Variants in PTPRG observed in about 807,000 individuals in gnomAD.
PTPRG encodes protein tyrosine phosphatase receptor type G.
Under a neutral mutation model 165.3 loss-of-function variants are expected in PTPRG, and 102 were observed. That is an observed-to-expected ratio of 0.62 (90% CI 0.53 to 0.73). PTPRG has a LOEUF of 0.73. Ranked by LOEUF, PTPRG falls within the 30% of genes least tolerant of loss-of-function variation. The probability of loss-of-function intolerance (pLI) is 0.00; values close to 1 mark genes in which losing one functional copy is unlikely to be tolerated. For synonymous variants in PTPRG, 675 were observed against 669.5 expected (o/e 1.01, Z -0.13); for missense variants, 1,866 against 1,861.4 (o/e 1.00, Z -0.05).
At position 61,846,427 on chromosome 3, in the gene PTPRG, A is replaced by C. The variant is rs377248025; in HGVS notation, c.190+97445A>C. Among the ~76,000 whole-genome samples the C allele has an allele frequency of 2.6e-3, 386 of 148,696 alleles. 1 individual carries two copies. Among genetic ancestry groups the C allele is most frequent in the African/African-American group, 8.5e-3 (353 of 41,290 alleles). On this transcript the variant is annotated intron_variant, in intron 2 of 29. Coordinates refer to ENST00000474889, the MANE Select transcript of PTPRG (RefSeq NM_002841.4). ...TGGGGCAGCTCAAGAAACAGGCTTC[A>C]GAGTCAAAAAAAACACCCATCTGGA...
chr3:61,813,543 CTG>C (rs58097355), intron 2 of PTPRG, among the ~76,000 whole-genome samples: 8,927 of 116,760 alleles, frequency 0.076, 327 homozygotes, highest in Middle Eastern at 0.13. Context: ...AAAAGAAAAT[CTG>C]TGTGTGTGTG....
At chr3:61,606,102 A>C (rs7618681) in intron 1 of PTPRG, among the ~76,000 whole-genome samples, 2 of 152,138 alleles carry the variant, frequency 1.3e-5, no homozygotes, top group Non-Finnish European at 2.9e-5. Flanking sequence ...TGCGGTTTCC[A>C]TGGGTCATGA....
chr3:62,090,737 C>T (rs577634912), intron 5 of PTPRG, among the ~76,000 whole-genome samples: 9 of 152,294 alleles, frequency 5.9e-5, no homozygotes, highest in Non-Finnish European at 1.0e-4. Flanking sequence ...ATTCTATGTG[C>T]GTTATCCCAT....
At chr3:62,026,667 A>G (rs192888204) in intron 4 of PTPRG, among the ~76,000 whole-genome samples, 20 of 152,244 alleles carry the variant, frequency 1.3e-4, no homozygotes, top group African/African-American at 4.6e-4. Context: ...TCGGTGGATC[A>G]TAAGATCAGG....
chr3:61,983,463 G>C (rs1419542430), intron 2 of PTPRG, among the ~76,000 whole-genome samples: 1 of 152,068 alleles, frequency 6.6e-6, no homozygotes, highest in Non-Finnish European at 1.5e-5. Context: ...AAGCATATTT[G>C]ACTAGAAACA....
At chr3:61,758,748 T>C (rs2033727442) in intron 2 of PTPRG, among the ~76,000 whole-genome samples, 1 of 152,066 alleles carries the variant, frequency 6.6e-6, no homozygotes, top group Non-Finnish European at 1.5e-5. Flanking sequence ...GTTGAAATTA[T>C]CAATTTGAGT....
chr3:62,188,438 C>T (rs755564002), intron 8 of PTPRG, among the ~76,000 whole-genome samples: 3 of 152,120 alleles, frequency 2.0e-5, no homozygotes, highest in Admixed American at 6.5e-5. Context: ...ATCAATTGTG[C>T]GTATGTACTT....
At chr3:62,022,883 A>G (rs890025931) in intron 4 of PTPRG, among the ~76,000 whole-genome samples, 4 of 152,134 alleles carry the variant, frequency 2.6e-5, no homozygotes, top group Non-Finnish European at 5.9e-5. Flanking sequence ...AAAATTGGTA[A>G]TTGATTTCTT....
chr3:61,839,737 T>C (rs2036568553), intron 2 of PTPRG, among the ~76,000 whole-genome samples: 1 of 152,226 alleles, frequency 6.6e-6, no homozygotes, highest in African/African-American at 2.4e-5. Context: ...AAAATCGCAA[T>C]TAATTACATT....
chr3:61,886,960 C>T (rs951333997), intron 2 of PTPRG, among the ~76,000 whole-genome samples: 3 of 150,274 alleles, frequency 2.0e-5, no homozygotes, highest in South Asian at 2.1e-4. Context: ...GGTCAAACAG[C>T]GCACAGTGTT....
chr3:61,921,117 C>CTCCTTCCTTCCTTCCTTCCT lies in PTPRG; in HGVS notation c.191-68481_191-68462dup, dbSNP rs72298352. Among the ~76,000 whole-genome samples the CTCCTTCCTTCCTTCCTTCCT allele has an allele frequency of 6.3e-3, 943 of 148,612 alleles. 11 individuals carry two copies. The highest frequency in any genetic ancestry group is 0.022 in the African/African-American group (894 of 39,874). On this transcript the variant is annotated intron_variant, in intron 2 of 29. Coordinates refer to ENST00000474889, the MANE Select transcript of PTPRG (RefSeq NM_002841.4). Reference sequence around the variant, plus strand: ...CTTCCATCCATCTCCTTCCATCCATCTCCTTCCTTCCTTCCTTCCTTCCTT... The same window carrying CTCCTTCCTTCCTTCCTTCCT: ...CTTCCATCCATCTCCTTCCATCCATCTCCTTCCTTCCTTCCTTCCTTCCTTCCTTCCTTCCTTCCTTCCTT...
At position 62,203,612 on chromosome 3, in the gene PTPRG, A is replaced by T; in HGVS notation, c.1817A>T (p.Lys606Met). 1 of 1,553,558 alleles carries T rather than the reference A, an allele frequency of 6.4e-7. No homozygotes were observed. The highest frequency in any genetic ancestry group is 8.7e-7 in the Non-Finnish European group (1 of 1,147,902). The change falls in exon 12 of 30, where the codon AAG becomes ATG. Residue 606 changes from lysine to methionine, a missense_variant. This residue lies in a region of PTPRG where 1,452 missense variants were observed against 1,463.0 expected (regional missense o/e 0.99). Transcript: ENST00000474889. This position sits in a 1 kb window ranked among gnomAD's most constrained non-coding sequence, Gnocchi z 6.4. The part of the protein sequence containing the change: ...EEDGEKDSEK[K>M]EKSGVTHAAE... ...GATGGAGAGAAGGACTCCGAAAAGA[A>T]GGAGAAGAGTGGGGTGACCCACGCT...
At chr3:61,691,096 T>G (rs531482284) in intron 1 of PTPRG, among the ~76,000 whole-genome samples, 1 of 152,222 alleles carries the variant, frequency 6.6e-6, no homozygotes, top group Admixed American at 6.5e-5. Context: ...GAAAAATGTT[T>G]AAGATGTGGT....
intron 2 of PTPRG, among the ~76,000 whole-genome samples, chr3:61,936,312 G>A (rs2039483848): frequency 6.6e-6 from 1 of 152,206 alleles, no homozygotes; most frequent in Non-Finnish European, 1.5e-5. Context: ...CTCTTTAAGT[G>A]AGGTGAGTAA....
intron 15 of PTPRG, 32 bp downstream of exon 15, chr3:62,243,930 G>A: frequency 7.9e-7 from 1 of 1,270,996 alleles, no homozygotes; most frequent in South Asian, 1.3e-5. Flanking sequence ...TTTCCAATGG[G>A]CTAATTGTTT....
intron 4 of PTPRG, among the ~76,000 whole-genome samples, chr3:62,020,325 A>G (rs1283662912): frequency 2.0e-5 from 3 of 152,082 alleles, no homozygotes; most frequent in African/African-American, 7.2e-5. Flanking sequence ...TAAATTCAAG[A>G]AAAAAAACCA....
chr3:62,078,755 C>T (rs1326886167), intron 5 of PTPRG, among the ~76,000 whole-genome samples: 1 of 152,138 alleles, frequency 6.6e-6, no homozygotes, highest in Non-Finnish European at 1.5e-5. Context: ...AACTCTTATC[C>T]TTCTGTCCTC....
intron 2 of PTPRG, among the ~76,000 whole-genome samples, chr3:61,767,249 A>AAAAAAAAAAG (rs1487210457): frequency 6.7e-6 from 1 of 148,868 alleles, no homozygotes; most frequent in South Asian, 2.1e-4. Flanking sequence ...TCAAAAAAAA[A>AAAAAAAAAAG]AAAAAAAAGA....
intron 1 of PTPRG, among the ~76,000 whole-genome samples, chr3:61,572,610 A>G (rs1700082837): frequency 6.6e-6 from 1 of 152,204 alleles, no homozygotes; most frequent in South Asian, 2.1e-4. Flanking sequence ...TGCCTAGAGC[A>G]TGCCAGGTGC....
Sources: allele counts gnomAD v4.1 joint callset (sites outside exome capture counted in the v4.1 genomes callset), GRCh38; gene constraint gnomAD v4.1.1; regional missense constraint gnomAD v4.1.1; non-coding constraint Gnocchi (gnomAD v3.1); transcripts MANE v1.5; gene names NCBI Gene and HGNC (gene_info 2026-07-23, HGNC 2026-07-21).